The following TC2N variants were observed in gnomAD, a reference collection of about 807,000 sequenced individuals.
The protein encoded by TC2N is tandem C2 domains, nuclear, also known as tandem C2 domains nuclear protein.
A neutral mutation model predicts 61.9 loss-of-function variants in TC2N; 51 were observed. The observed-to-expected ratio is 0.82, with a 90% CI of 0.66 to 1.04. The LOEUF (loss-of-function observed/expected upper bound fraction) is 1.04, where lower values mean the gene tolerates loss of function less well. Among genes scored for constraint, TC2N ranks in the 50% least tolerant of loss-of-function variants. The probability of loss-of-function intolerance (pLI) is 0.00; values close to 1 mark genes in which losing one functional copy is unlikely to be tolerated. For missense variants in TC2N, 556 were observed against 566.7 expected, an observed-to-expected ratio of 0.98 and a Z score of 0.19; for synonymous variants, 204 against 192.6, an observed-to-expected ratio of 1.06 and a Z score of -0.49.
chr14:91,800,887 T>C (rs1439109016), intron 4 of TC2N, among the ~76,000 whole-genome samples: 3 of 151,944 alleles, frequency 2.0e-5, no homozygotes, highest in African/African-American at 7.2e-5. Context: ...GGCCCTTAAA[T>C]AAGCATTTCT....
At chr14:91,816,217 C>T (rs1217883729) in intron 1 of TC2N, among the ~76,000 whole-genome samples, 1 of 151,702 alleles carries the variant, frequency 6.6e-6, no homozygotes, top group Non-Finnish European at 1.5e-5. Flanking sequence ...CTCTGAAGCA[C>T]ACCATTTTGC....
intron 1 of TC2N, among the ~76,000 whole-genome samples, chr14:91,827,921 T>C (rs1887571177): frequency 1.3e-5 from 2 of 152,228 alleles, no homozygotes; most frequent in Admixed American, 1.3e-4. Flanking sequence ...GATGTCATCA[T>C]TGCACATATT....
chr14:91,865,368 GGTTTT>G (rs1888675713), intron 1 of TC2N, among the ~76,000 whole-genome samples: 1 of 123,436 alleles, frequency 8.1e-6, no homozygotes, highest in African/African-American at 3.5e-5. Flanking sequence ...GGAGCCTCTT[GGTTTT>G]TTTTTTTTTT....
At position 91,785,291 on chromosome 14, in the gene TC2N, C is replaced by T; in HGVS notation, c.1233G>A (p.Lys411=). 1.9e-6 allele frequency: 3 copies of T among 1,613,682 alleles called. No homozygotes were observed. The highest frequency in any genetic ancestry group is 2.5e-6 in the Non-Finnish European group (3 of 1,179,808). The change falls in exon 11 of 12, where the codon AAG becomes AAA. Residue 411 remains lysine (K), a synonymous_variant. Transcript: ENST00000435962. ...CCCACTTGACTCTTCCATTGGAGGCCTTCAGTAAGCGTGTCTTTTTCTTAT... is the reference window on the plus strand; with the variant it reads ...CCCACTTGACTCTTCCATTGGAGGCTTTCAGTAAGCGTGTCTTTTTCTTAT... ...LIYKKKTRLL[K]ASNGRVKWGE... is the part of the protein sequence containing the mutation.
rs1885027582 is a variant in TC2N, at chr14:91,780,228, C to T, written c.*2872G>A. 6.6e-6 allele frequency: 1 copy of T among 152,116 alleles called. No homozygotes were observed. Among genetic ancestry groups the T allele is most frequent in the African/African-American group, 2.4e-5 (1 of 41,414 alleles). The allele number at this position is 152,116 out of a possible 1,614,324, so 9.4% of individuals were successfully genotyped here. On this transcript the variant is annotated 3_prime_UTR_variant, in exon 12 of 12. Transcript: ENST00000435962. The stretch of plus-strand genomic sequence containing the variant: ...TGCTATCAAAAGCTGACATTTATTA[C>T]AAATTTCTGAAATCCTTCATAAGCA...
intron 7 of TC2N, among the ~76,000 whole-genome samples, 176 bp from the exon 8 acceptor site, chr14:91,798,077 T>C (rs559039854): frequency 2.9e-4 from 44 of 152,130 alleles, no homozygotes; most frequent in Admixed American, 4.6e-4. Context: ...CTAGATGTTA[T>C]GTCAATTTCC....
At chr14:91,832,064 C>T (rs926843648) in intron 1 of TC2N, among the ~76,000 whole-genome samples, 1 of 152,100 alleles carries the variant, frequency 6.6e-6, no homozygotes, top group African/African-American at 2.4e-5. Context: ...GGATTCACAT[C>T]CAGAATATAT....
intron 3 of TC2N, among the ~76,000 whole-genome samples, chr14:91,806,552 C>T (rs746686764): frequency 6.6e-6 from 1 of 152,132 alleles, no homozygotes; most frequent in East Asian, 1.9e-4. Flanking sequence ...AGCAAAGACA[C>T]TGGTGTCATT....
At position 91,785,153 on chromosome 14, in the gene TC2N, C is replaced by T. The variant is rs766504340; in HGVS notation, c.1362+9G>A. ...AAAAATATAAGGAAGGATAAAAACT[C>T]CTACTAACCTGGCCCACAAAGTGTT... On this transcript the variant is annotated intron_variant, in intron 11 of 11. Coordinates refer to ENST00000435962, the MANE Select transcript of TC2N (RefSeq NM_001128596.3). The T allele has an allele frequency of 7.5e-6, 12 of 1,598,148 alleles. No individual in the cohort carries two copies. Among genetic ancestry groups the T allele is most frequent in the Non-Finnish European group, 1.0e-5 (12 of 1,168,514 alleles).
rs754951866 is a variant in TC2N, at chr14:91,812,444, A to C, written c.169T>G (p.Cys57Gly). The C allele has an allele frequency of 6.2e-7, 1 of 1,611,702 alleles. No homozygotes were observed. Among genetic ancestry groups the C allele is most frequent in the Admixed American group, 1.7e-5 (1 of 59,914 alleles). Residue 57 changes from cysteine (C) to glycine (G), a missense_variant, in exon 3 of 12, where the codon TGT becomes GGT. By Grantham distance (159) the Cys-to-Gly change is radical (BLOSUM62 -3). Coordinates refer to ENST00000435962, the MANE Select transcript of TC2N (RefSeq NM_001128596.3). ...TSVSVKPQLGCTEDYLLSKLP... is the reference protein window; with the variant it reads ...TSVSVKPQLGGTEDYLLSKLP... The stretch of plus-strand genomic sequence containing the variant: ...TTGGAAAGCAAATAATCCTCAGTAC[A>C]GCCAAGCTGAGGCTTTACAGAAACA...
chr14:91,838,896 C>T (rs1417758813), intron 1 of TC2N, among the ~76,000 whole-genome samples: 1 of 152,200 alleles, frequency 6.6e-6, no homozygotes, highest in Non-Finnish European at 1.5e-5. Flanking sequence ...ATATTGTACA[C>T]CTTTCTTTGT....
chr14:91,867,424 A>T lies in TC2N; in HGVS notation c.-219T>A, dbSNP rs545377336. The T allele has an allele frequency of 2.0e-5, 3 of 152,162 alleles. No homozygotes were observed. The highest frequency in any genetic ancestry group is 4.2e-4 in the South Asian group (2 of 4,802). 9.4% of individuals were successfully genotyped at this position (152,162 alleles called of 1,614,324 possible). A position where few individuals can be genotyped will look rare whatever the true frequency, so the allele number is the denominator to read the frequency against. On this transcript the variant is annotated 5_prime_UTR_variant, in exon 1 of 12. Transcript: ENST00000435962. ...CTGCCTTCTGGCCTTTGCTTTTCGG[A>T]GCCGAGCTGAGTGAGTCCCAAGGGA...
intron 5 of TC2N, 45 bp downstream of exon 5, chr14:91,800,235 TG>T: frequency 8.1e-7 from 1 of 1,237,316 alleles, no homozygotes; most frequent in Non-Finnish European, 1.1e-6. Flanking sequence ...ATTTTTAATT[TG>T]AAAGGAAATT....
At chr14:91,787,361 A>T (rs1402671666) in intron 10 of TC2N, 152 bp downstream of exon 10, 4 of 521,526 alleles carry the variant, frequency 7.7e-6, no homozygotes, top group Non-Finnish European at 1.3e-5. Flanking sequence ...CAATGGCTAA[A>T]ATTTGAAATC....
intron 3 of TC2N, among the ~76,000 whole-genome samples, chr14:91,807,624 T>A (rs1376133324): frequency 6.6e-6 from 1 of 152,234 alleles, no homozygotes; most frequent in Non-Finnish European, 1.5e-5. Context: ...ATCCAATGTC[T>A]ATACTCCTAT....
chr14:91,844,232 G>T (rs1888221290), intron 1 of TC2N, among the ~76,000 whole-genome samples: 2 of 152,070 alleles, frequency 1.3e-5, no homozygotes, highest in Admixed American at 1.3e-4. Context: ...AAACAATTTG[G>T]CGTTTCCTAC....
intron 1 of TC2N, among the ~76,000 whole-genome samples, chr14:91,842,889 A>T (rs1251185391): frequency 6.6e-6 from 1 of 152,178 alleles, no homozygotes; most frequent in Non-Finnish European, 1.5e-5. Context: ...TTCATCATGC[A>T]CTGTATCCAT....
chr14:91,795,272 A>G (rs1885843226), intron 8 of TC2N, among the ~76,000 whole-genome samples: 4 of 152,304 alleles, frequency 2.6e-5, no homozygotes, highest in Middle Eastern at 3.4e-3. Flanking sequence ...AGAATATTAC[A>G]TAAACTTAGC....
At position 91,787,568 on chromosome 14, in the gene TC2N, C is replaced by A; in HGVS notation, c.1107G>T (p.Gln369His). The A allele has an allele frequency of 3.1e-6, 5 of 1,612,888 alleles. No homozygotes were observed. The highest frequency in any genetic ancestry group is 1.1e-5 in the South Asian group (1 of 90,832). ...TCFQAVNSRI[Q>H]LQILEARYLP... ...GGTACCGTGCCTCAAGAATTTGTAA[C>A]TGAATTCTGCTATTTACTGCTTGAA... is the stretch of plus-strand genomic sequence containing the variant. The change falls in exon 10 of 12, where the codon CAG (glutamine) becomes CAT (histidine). Residue 369 changes from glutamine to histidine, a missense_variant. Physicochemically the swap from Gln to His is conservative, Grantham distance 24. Transcript: ENST00000435962.
Sources: allele counts gnomAD v4.1 joint callset (sites outside exome capture counted in the v4.1 genomes callset), GRCh38; gene constraint gnomAD v4.1.1; transcripts MANE v1.5; gene names NCBI Gene and HGNC (gene_info 2026-07-23, HGNC 2026-07-21).